Variants in GNAQ observed in about 807,000 individuals in gnomAD.
GNAQ encodes the protein guanine nucleotide-binding protein G(q) subunit alpha.
In GNAQ, 8 loss-of-function variants were observed where a neutral mutation model predicts 43.9. The ratio of observed to expected loss-of-function variants is 0.18; its 90% CI spans 0.11 to 0.33. The LOEUF is 0.33. Among genes scored for constraint, GNAQ ranks in the 10% least tolerant of loss-of-function variants. The probability of loss-of-function intolerance (pLI) is 1.00; values close to 1 mark genes in which losing one functional copy is unlikely to be tolerated. For missense variants in GNAQ, 158 were observed against 450.8 expected, an observed-to-expected ratio of 0.35 and a Z score of 5.88; for synonymous variants, 155 against 170.7, an observed-to-expected ratio of 0.91 and a Z score of 0.71.
chr9:77,965,713 T>C lies in GNAQ; in HGVS notation c.137-43368A>G, dbSNP rs1823157924. 2.6e-5 allele frequency among the ~76,000 whole-genome samples: 4 copies of C among 152,220 alleles called. No individual in the cohort carries two copies. The South Asian group carries it at 8.3e-4, about 32-fold the overall frequency. On this transcript the variant is annotated intron_variant, in intron 1 of 6. Transcript: ENST00000286548. ...ACTATACCAAGTGCTAGCAAGGATA[T>C]GGAACTCTCATACACTGCACAATAT...
chr9:77,821,724 G>GGGGGGTGT (rs201504418), intron 2 of GNAQ, among the ~76,000 whole-genome samples: 34 of 142,404 alleles, frequency 2.4e-4, no homozygotes, highest in South Asian at 6.7e-4. Flanking sequence ...TCCTAGTATG[G>GGGGGGTGT]GTGTGTGTGT....
At chr9:77,986,557 G>C (rs1216363485) in intron 1 of GNAQ, among the ~76,000 whole-genome samples, 3 of 152,146 alleles carry the variant, frequency 2.0e-5, no homozygotes, top group South Asian at 4.1e-4. Context: ...CCAGGCTAGA[G>C]TGCAGTGGCA....
intron 5 of GNAQ, among the ~76,000 whole-genome samples, chr9:77,736,043 C>T (rs1587890006): frequency 6.6e-6 from 1 of 152,294 alleles, no homozygotes; most frequent in East Asian, 1.9e-4. Flanking sequence ...ATTTGCTCCT[C>T]TCAAATCTCT....
chr9:77,919,645 A>G (rs1828966614), intron 2 of GNAQ, among the ~76,000 whole-genome samples: 1 of 152,204 alleles, frequency 6.6e-6, no homozygotes, highest in Admixed American at 6.5e-5. Context: ...ATAGAGAAAA[A>G]GAAACAAACG....
chr9:77,951,921 T>C (rs1822983743), intron 1 of GNAQ, among the ~76,000 whole-genome samples: 1 of 152,214 alleles, frequency 6.6e-6, no homozygotes, highest in Non-Finnish European at 1.5e-5. Flanking sequence ...ACCTAGGACA[T>C]GGAACACAGC....
At chr9:77,945,880 G>A (rs900454127) in intron 1 of GNAQ, among the ~76,000 whole-genome samples, 1 of 152,104 alleles carries the variant, frequency 6.6e-6, no homozygotes, top group African/African-American at 2.4e-5. Flanking sequence ...GGAAACTGAG[G>A]TCTACTGAAG....
intron 5 of GNAQ, among the ~76,000 whole-genome samples, chr9:77,756,621 A>C (rs1488122427): frequency 6.6e-6 from 1 of 152,238 alleles, no homozygotes; most frequent in Non-Finnish European, 1.5e-5. Context: ...CATGAGGGGC[A>C]GAGTTGCTCT....
chr9:77,890,110 G>C (rs887558748), intron 2 of GNAQ, among the ~76,000 whole-genome samples: 3 of 152,036 alleles, frequency 2.0e-5, no homozygotes, highest in Non-Finnish European at 2.9e-5. Context: ...TATTTTAAAT[G>C]TTTAAATTTT....
chr9:77,785,766 A>C (rs1363472652), intron 5 of GNAQ, among the ~76,000 whole-genome samples: 1 of 152,242 alleles, frequency 6.6e-6, no homozygotes, highest in Admixed American at 6.5e-5. Context: ...TTTGTTATAA[A>C]AGACATAATA....
chr9:77,845,258 A>G (rs1827565375), intron 2 of GNAQ, among the ~76,000 whole-genome samples: 1 of 152,154 alleles, frequency 6.6e-6, no homozygotes, highest in African/African-American at 2.4e-5. Flanking sequence ...TTTGTTTCTT[A>G]CAATGAGCCA....
intron 5 of GNAQ, among the ~76,000 whole-genome samples, chr9:77,741,815 G>A (rs541115539): frequency 6.6e-6 from 1 of 152,280 alleles, no homozygotes; most frequent in South Asian, 2.1e-4. Context: ...ATAATAGTCT[G>A]CATATGGATT....
At chr9:77,729,931 T>G (rs1825462262) in intron 5 of GNAQ, among the ~76,000 whole-genome samples, 1 of 152,184 alleles carries the variant, frequency 6.6e-6, no homozygotes, top group South Asian at 2.1e-4. Flanking sequence ...AGCCAAGCAA[T>G]TCAACTAGGC....
chr9:77,894,745 T>C lies in GNAQ; in HGVS notation c.321+27416A>G, dbSNP rs115614654. Among the ~76,000 whole-genome samples the C allele has an allele frequency of 7.9e-3, 1,194 of 151,996 alleles. 13 individuals are homozygous for C. The highest frequency in any genetic ancestry group is 0.027 in the African/African-American group (1,133 of 41,452). On this transcript the variant is annotated intron_variant, in intron 2 of 6. Transcript: ENST00000286548. ...TTTAATGGAATGTTTTTTAAGGGAT[T>C]TGCTTGTGATAAAATGGTGAGAATA...
Position 77,718,947 on chromosome 9 carries a change from G to A in GNAQ, c.*2376C>T, listed in dbSNP as rs1825267848. On this transcript the variant is annotated 3_prime_UTR_variant, in exon 7 of 7. Coordinates refer to ENST00000286548, the MANE Select transcript of GNAQ (RefSeq NM_002072.5). ...CTCATATTCCAATCCTAGATCAAAT[G>A]GCAAAAGTTCTACAAAGTTGGTTTC... 1 of 231,878 alleles carries A rather than the reference G, an allele frequency of 4.3e-6. No homozygotes were observed. The highest frequency in any genetic ancestry group is 5.6e-5 in the Admixed American group (1 of 17,712). The allele number at this position is 231,878 out of a possible 1,614,324, so 14.4% of individuals were successfully genotyped here.
chr9:77,807,748 T>C (rs1219215130), intron 3 of GNAQ, among the ~76,000 whole-genome samples: 1 of 152,202 alleles, frequency 6.6e-6, no homozygotes, highest in South Asian at 2.1e-4. Context: ...AGAATGCTAC[T>C]GTGTTTTAAT....
intron 2 of GNAQ, among the ~76,000 whole-genome samples, chr9:77,822,500 G>C (rs1384989322): frequency 6.6e-6 from 1 of 151,938 alleles, no homozygotes; most frequent in Non-Finnish European, 1.5e-5. Flanking sequence ...AACCAGAGGA[G>C]TATGTTGCTG....
chr9:78,008,875 C>T (rs951965159), intron 1 of GNAQ, among the ~76,000 whole-genome samples: 2 of 152,186 alleles, frequency 1.3e-5, no homozygotes, highest in African/African-American at 2.4e-5. Flanking sequence ...CCTCGGCCTC[C>T]CAAAGTGTTG....
chr9:77,769,712 T>A (rs1421665906), intron 5 of GNAQ, among the ~76,000 whole-genome samples: 1 of 147,612 alleles, frequency 6.8e-6, no homozygotes, highest in Non-Finnish European at 1.5e-5. Context: ...TCACCCAGGC[T>A]GGAGTGCAGT....
intron 1 of GNAQ, among the ~76,000 whole-genome samples, chr9:78,025,882 T>C (rs1823973284): frequency 6.6e-6 from 1 of 152,208 alleles, no homozygotes; most frequent in African/African-American, 2.4e-5. Flanking sequence ...TAAGTGTGCC[T>C]GGATCATAAA....
Sources: allele counts gnomAD v4.1 joint callset (sites outside exome capture counted in the v4.1 genomes callset), GRCh38; gene constraint gnomAD v4.1.1; transcripts MANE v1.5; gene names NCBI Gene and HGNC (gene_info 2026-07-23, HGNC 2026-07-21).